Variants in GLRA2 observed in about 807,000 individuals in gnomAD.
The protein encoded by GLRA2 is glycine receptor alpha 2.
In GLRA2, 11 loss-of-function variants were observed where a neutral mutation model predicts 31.6. The ratio of observed to expected loss-of-function variants is 0.35; its 90% confidence interval spans 0.22 to 0.58. GLRA2 has a LOEUF of 0.58. Among genes scored for constraint, GLRA2 ranks in the 20% least tolerant of loss-of-function variants. The pLI is 0.84. For missense variants in GLRA2, 212 were observed against 351.8 expected (o/e 0.60, Z 3.18); for synonymous variants, 132 against 134.0 (o/e 0.99, Z 0.10).
the GLRA2 span, among the ~76,000 whole-genome samples, chrX:14,524,216 C>T: frequency 8.9e-6 from 1 of 112,308 alleles, no homozygotes; most frequent in South Asian, 3.7e-4. Context: ...CTGGAGAACT[C>T]TAATACAATA....
At chrX:14,707,760 G>A (rs1186396538) in intron 8 of GLRA2, among the ~76,000 whole-genome samples, 1 of 105,950 alleles carries the variant, frequency 9.4e-6, no homozygotes, top group African/African-American at 3.7e-5. Flanking sequence ...CAAAAAAGGT[G>A]TGTGTGTGTG....
chrX:14,472,116 AT>A, the GLRA2 span, among the ~76,000 whole-genome samples: 6 of 112,060 alleles, frequency 5.4e-5, no homozygotes, highest in Non-Finnish European at 3.8e-5. Flanking sequence ...TTTTCCCAGA[AT>A]AGGTGACCAG....
At chrX:14,568,608 G>A (rs1263210242) in intron 2 of GLRA2, among the ~76,000 whole-genome samples, 1 of 107,647 alleles carries the variant, frequency 9.3e-6, no homozygotes, top group Non-Finnish European at 1.9e-5. Context: ...GAAGATAATT[G>A]CTTGTGCCTG....
In GLRA2 at chrX:14,597,070, G is replaced by A. The variant is rs148870242; in HGVS notation, c.495-7245G>A. 8.3e-3 allele frequency among the ~76,000 whole-genome samples: 920 copies of A among 111,502 alleles called. 7 individuals are homozygous for A. Among genetic ancestry groups the A allele is most frequent in the Middle Eastern group, 0.014 (3 of 216 alleles). On this transcript the variant is annotated intron_variant, in intron 4 of 8. Transcript: ENST00000218075. ...TTGCCCCCAGGCTAATTTCACTTAA[G>A]GTCTAGGTGGGTTAAGATGACACTC...
the GLRA2 span, among the ~76,000 whole-genome samples, chrX:14,458,017 C>G: frequency 1.8e-5 from 2 of 110,117 alleles, no homozygotes; most frequent in Non-Finnish European, 3.8e-5. Context: ...AATGCTATCC[C>G]TCCCCCTCCC....
intron 7 of GLRA2, among the ~76,000 whole-genome samples, chrX:14,685,363 A>T (rs1041239081): frequency 9.0e-6 from 1 of 111,561 alleles, no homozygotes; most frequent in Non-Finnish European, 1.9e-5. Context: ...CTCTTTTTCT[A>T]TTGATGGCAA....
chrX:14,639,172 T>C (rs2090746932), intron 7 of GLRA2, among the ~76,000 whole-genome samples: 1 of 111,706 alleles, frequency 9.0e-6, no homozygotes, highest in African/African-American at 3.2e-5. Flanking sequence ...AAAAGGTAAT[T>C]ATCTTTCTCT....
rs1172684782 is a variant in GLRA2, at chrX:14,609,221, T to A, written c.930+16T>A. On this transcript the variant is annotated intron_variant, in intron 7 of 8. Coordinates refer to ENST00000218075, the MANE Select transcript of GLRA2 (RefSeq NM_002063.4). ...TCTGCCAAAGGTAAGAAATCTTGCT[T>A]GATAACAGATGACATGAAAGCTTCC... 1 of 1,043,972 alleles carries A rather than the reference T, an allele frequency of 9.6e-7. No individual in the cohort carries two copies. Among genetic ancestry groups the A allele is most frequent in the African/African-American group, 1.9e-5 (1 of 53,552 alleles). The allele number at this position is 1,043,972 out of a possible 1,213,427, so 86.0% of individuals were successfully genotyped here.
chrX:14,563,988 A>G (rs1232242376), intron 2 of GLRA2, among the ~76,000 whole-genome samples: 2 of 111,444 alleles, frequency 1.8e-5, no homozygotes, highest in African/African-American at 6.5e-5. Context: ...ATAGACCAAT[A>G]TACACATTCT....
chrX:14,639,351 G>C (rs2090748888), intron 7 of GLRA2, among the ~76,000 whole-genome samples: 1 of 111,445 alleles, frequency 9.0e-6, no homozygotes, highest in African/African-American at 3.3e-5. Flanking sequence ...ATCTTGGTAT[G>C]AAGCAGGTGT....
intron 8 of GLRA2, among the ~76,000 whole-genome samples, chrX:14,702,498 G>GTATAT: frequency 8.9e-6 from 1 of 112,318 alleles, no homozygotes; most frequent in Non-Finnish European, 1.9e-5. Flanking sequence ...AATCTGGGAT[G>GTATAT]TATATTATAA....
At chrX:14,464,908 T>C in the GLRA2 span, among the ~76,000 whole-genome samples, 1 of 112,228 alleles carries the variant, frequency 8.9e-6, no homozygotes, top group Non-Finnish European at 1.9e-5. Context: ...TATAGCTTTG[T>C]AGTATGTTTG....
At chrX:14,642,578 A>AT (rs1401313749) in intron 7 of GLRA2, among the ~76,000 whole-genome samples, 1 of 109,399 alleles carries the variant, frequency 9.1e-6, no homozygotes, top group Non-Finnish European at 1.9e-5. Flanking sequence ...ATGTGCAATG[A>AT]TTTGCATCTG....
chrX:14,493,729 ATATG>A, the GLRA2 span, among the ~76,000 whole-genome samples: 26 of 101,520 alleles, frequency 2.6e-4, no homozygotes, highest in South Asian at 0.011. Context: ...ATATACGTGT[ATATG>A]TATACATATA....
At chrX:14,624,327 G>A (rs978330271) in intron 7 of GLRA2, among the ~76,000 whole-genome samples, 3 of 110,819 alleles carry the variant, frequency 2.7e-5, no homozygotes, top group Non-Finnish European at 5.7e-5. Context: ...TTTTTTGAAG[G>A]GGTATTTTGT....
chrX:14,477,693 G>A, the GLRA2 span, among the ~76,000 whole-genome samples: 1 of 111,191 alleles, frequency 9.0e-6, no homozygotes, highest in Non-Finnish European at 1.9e-5. Flanking sequence ...ATCACTAACT[G>A]CCCAAACACC....
intron 1 of GLRA2, among the ~76,000 whole-genome samples, chrX:14,530,607 G>A (rs2089241666): frequency 9.0e-6 from 1 of 111,305 alleles, no homozygotes; most frequent in African/African-American, 3.3e-5. Context: ...TACAATTCAG[G>A]AATTTTCTTG....
chrX:14,525,203 A>G (rs1211608736), upstream of GLRA2, among the ~76,000 whole-genome samples: 1 of 111,614 alleles, frequency 9.0e-6, no homozygotes, highest in Admixed American at 9.5e-5. Context: ...GTTGGTCCTT[A>G]TGACATAGGA....
the GLRA2 span, among the ~76,000 whole-genome samples, chrX:14,460,108 T>A: frequency 4.5e-5 from 5 of 112,284 alleles, no homozygotes; most frequent in East Asian, 1.4e-3. Context: ...GTTGAAGGCC[T>A]TTTCTACATC....
Sources: gnomAD v4.1 joint callset for allele counts (sites outside exome capture counted in the v4.1 genomes callset) on GRCh38, gnomAD v4.1.1 for gene constraint, MANE v1.5 for transcripts, NCBI Gene and HGNC (gene_info 2026-07-23, HGNC 2026-07-21) for gene names.